The following PCDH15 variants were observed in gnomAD, a reference collection of about 807,000 sequenced individuals.
PCDH15 encodes protocadherin-15.
Under a neutral mutation model 178.5 loss-of-function variants are expected in PCDH15, and 129 were observed. The ratio of observed to expected loss-of-function variants is 0.72; its 90% CI spans 0.63 to 0.84. The LOEUF is 0.84. PCDH15 is among the 40% of genes least tolerant of loss of function. PCDH15 has a pLI of 0.00. For synonymous variants in PCDH15, 800 were observed against 732.0 expected (o/e 1.09, Z -1.50); for missense variants, 2,230 against 2,099.9 (o/e 1.06, Z -1.21).
chr10:55,172,954 G>T (rs746680586), intron 1 of PCDH15, among the ~76,000 whole-genome samples: 3 of 151,716 alleles, frequency 2.0e-5, no homozygotes, highest in Non-Finnish European at 4.4e-5. Flanking sequence ...CTACAAAAAA[G>T]GTTTGTTTTA....
chr10:55,537,467 G>A (rs1392604971), intron 2 of PCDH15, among the ~76,000 whole-genome samples: 5 of 151,792 alleles, frequency 3.3e-5, no homozygotes, highest in Admixed American at 3.3e-4. Context: ...ACAGAGTCTC[G>A]CTTTGTTGCC....
intron 2 of PCDH15, among the ~76,000 whole-genome samples, chr10:54,661,358 T>C (rs2094487969): frequency 6.6e-6 from 1 of 151,874 alleles, no homozygotes. Context: ...AGGTAAAAGA[T>C]GTCCACAACA....
chr10:55,145,029 A>G (rs4935131), intron 2 of PCDH15, among the ~76,000 whole-genome samples: 4,164 of 152,186 alleles, frequency 0.027, 75 homozygotes, highest in Non-Finnish European at 0.042. Flanking sequence ...CATGACAAAT[A>G]TAAATAGTAG....
At chr10:55,481,605 C>G (rs1254912598) in intron 2 of PCDH15, among the ~76,000 whole-genome samples, 1 of 151,796 alleles carries the variant, frequency 6.6e-6, no homozygotes, top group African/African-American at 2.4e-5. Context: ...AAAAGTCATT[C>G]TAGAGCAGGT....
chr10:54,728,417 A>G (rs1347877514), intron 1 of PCDH15, among the ~76,000 whole-genome samples: 1 of 151,422 alleles, frequency 6.6e-6, no homozygotes, highest in East Asian at 1.9e-4. Context: ...TGAACAAAGA[A>G]GACATCATTT....
At position 54,941,077 on chromosome 10, in the gene PCDH15, T is replaced by G. The variant is rs527322486; in HGVS notation, c.-79-43577A>C. 1.4e-4 allele frequency among the ~76,000 whole-genome samples: 21 copies of G among 152,234 alleles called. No individual in the cohort carries two copies. The Middle Eastern group carries it at 0.01, about 74-fold the overall frequency. On this transcript the variant is annotated intron_variant, in intron 2 of 5. Transcript: ENST00000458638. ...TTTTTGTGTTTTCTGTATGCTTTTT[T>G]GGGTCTTGTGTTCTTTTTCGCTTCT...
At chr10:54,628,026 T>A (rs555790398) in intron 2 of PCDH15, among the ~76,000 whole-genome samples, 4 of 152,338 alleles carry the variant, frequency 2.6e-5, no homozygotes, top group African/African-American at 9.6e-5. Context: ...TATTTCCTCT[T>A]GAGGAATATA....
chr10:55,447,961 G>T (rs895478007), intron 2 of PCDH15, among the ~76,000 whole-genome samples: 1 of 151,866 alleles, frequency 6.6e-6, no homozygotes, highest in East Asian at 1.9e-4. Context: ...AGCTTCCAAG[G>T]AAGAGCTAGG....
chr10:55,404,845 A>G (rs1838159462), intron 2 of PCDH15, among the ~76,000 whole-genome samples: 1 of 151,942 alleles, frequency 6.6e-6, no homozygotes, highest in Non-Finnish European at 1.5e-5. Flanking sequence ...AAAGAAGTCT[A>G]CATATTTATA....
intron 5 of PCDH15, among the ~76,000 whole-genome samples, chr10:54,349,244 G>A (rs1943803432): frequency 6.6e-6 from 1 of 152,108 alleles, no homozygotes. Context: ...ATTTTGAAGA[G>A]CAGGATCCCA....
intron 1 of PCDH15, among the ~76,000 whole-genome samples, chr10:55,257,353 A>G (rs1842025672): frequency 6.6e-6 from 1 of 152,236 alleles, no homozygotes; most frequent in Non-Finnish European, 1.5e-5. Flanking sequence ...TTCACCAGCA[A>G]CGGAACAAAG....
intron 2 of PCDH15, among the ~76,000 whole-genome samples, chr10:55,056,299 T>A (rs1352007564): frequency 2.0e-5 from 3 of 152,172 alleles, no homozygotes. Flanking sequence ...TTGTCTGATT[T>A]CATCTCAAAA....
rs147253403 is a variant in PCDH15, at chr10:55,107,720, T to A, written c.-80+58856A>T. ...GTTGGCCAGGCTGGTCTCGAACTCCTGACCTCATGATCCACCCCCACCCCC... is the reference window on the plus strand; with the variant it reads ...GTTGGCCAGGCTGGTCTCGAACTCCAGACCTCATGATCCACCCCCACCCCC... On this transcript the variant is annotated intron_variant, in intron 2 of 5. Transcript: ENST00000458638. 4.1e-4 allele frequency among the ~76,000 whole-genome samples: 63 copies of A among 151,964 alleles called. No homozygotes were observed. The East Asian group carries it at 0.011, about 26-fold the overall frequency.
chr10:54,791,028 C>T (rs1426615569), intron 1 of PCDH15, among the ~76,000 whole-genome samples: 1 of 151,834 alleles, frequency 6.6e-6, no homozygotes, highest in East Asian at 1.9e-4. Context: ...CAAAATACTC[C>T]TAGACCAATT....
intron 2 of PCDH15, among the ~76,000 whole-genome samples, chr10:55,347,685 A>T (rs2131962771): frequency 2.0e-5 from 3 of 152,196 alleles, no homozygotes; most frequent in African/African-American, 7.2e-5. Context: ...ATTTAACCTG[A>T]ATCTGATTAT....
intron 1 of PCDH15, among the ~76,000 whole-genome samples, chr10:55,237,910 TC>T (rs1841428266): frequency 6.6e-6 from 1 of 151,976 alleles, no homozygotes. Flanking sequence ...ATAAATATGA[TC>T]TTTTTTCTTG....
At chr10:53,952,233 G>T (rs988431606) in intron 23 of PCDH15, among the ~76,000 whole-genome samples, 2 of 152,300 alleles carry the variant, frequency 1.3e-5, no homozygotes, top group African/African-American at 4.8e-5. Flanking sequence ...CATTCAGCAG[G>T]TCCCAAGTTC....
intron 20 of PCDH15, among the ~76,000 whole-genome samples, chr10:54,010,767 C>A (rs991633236): frequency 3.3e-5 from 5 of 152,138 alleles, no homozygotes; most frequent in African/African-American, 1.2e-4. Flanking sequence ...GACAGAAGCC[C>A]AGTGTCTGTT....
intron 2 of PCDH15, among the ~76,000 whole-genome samples, chr10:55,332,408 C>T (rs371793020): frequency 2.0e-5 from 3 of 151,980 alleles, no homozygotes; most frequent in African/African-American, 7.2e-5. Flanking sequence ...AAGGATAAGG[C>T]AAATTGTGTG....
Sources: gnomAD v4.1 joint callset for allele counts (sites outside exome capture counted in the v4.1 genomes callset) on GRCh38, gnomAD v4.1.1 for gene constraint, MANE v1.5 for transcripts, NCBI Gene and HGNC (gene_info 2026-07-23, HGNC 2026-07-21) for gene names.